SETX: variants seen among roughly 807,000 people sequenced by gnomAD.
SETX encodes the protein senataxin, also known as helicase senataxin.
In SETX, 90 loss-of-function variants were observed where a neutral mutation model predicts 227.2. The observed-to-expected ratio is 0.40, with a 90% CI of 0.33 to 0.47. The LOEUF is 0.47. Ranked by LOEUF, SETX falls within the 20% of genes least tolerant of loss-of-function variation. The pLI, the probability that SETX is intolerant of heterozygous loss-of-function variation, is 0.91. For synonymous variants in SETX, 1,210 were observed against 1,113.2 expected, an observed-to-expected ratio of 1.09 and a Z score of -1.73; for missense variants, 3,052 against 3,181.5, an observed-to-expected ratio of 0.96 and a Z score of 0.98.
chr9:132,326,075 T>C (rs1388498282), intron 10 of SETX, among the ~76,000 whole-genome samples: 1 of 152,064 alleles, frequency 6.6e-6, no homozygotes, highest in Non-Finnish European at 1.5e-5. Context: ...CTTTTTTTTG[T>C]TTTTTCTTTT....
At chr9:132,337,674 GATA>G (rs1468840113) in intron 5 of SETX, among the ~76,000 whole-genome samples, 1 of 152,162 alleles carries the variant, frequency 6.6e-6, no homozygotes, top group African/African-American at 2.4e-5. Flanking sequence ...AGACCTTACT[GATA>G]ATAAGTGGTA....
intron 10 of SETX, among the ~76,000 whole-genome samples, chr9:132,324,388 T>C (rs1051176362): frequency 1.3e-5 from 2 of 152,228 alleles, no homozygotes; most frequent in African/African-American, 4.8e-5. Flanking sequence ...TATCTTGCCA[T>C]GTACAGTGTT....
intron 3 of SETX, 28 bp from the exon 4 acceptor site, chr9:132,346,499 C>T (rs763091338): frequency 1.1e-5 from 17 of 1,493,554 alleles, no homozygotes; most frequent in Middle Eastern, 4.3e-4. Context: ...GGGCAGTGTG[C>T]GTTATGTCTT....
intron 11 of SETX, among the ~76,000 whole-genome samples, chr9:132,308,721 A>G (rs1179271560): frequency 1.3e-5 from 2 of 152,224 alleles, no homozygotes; most frequent in Non-Finnish European, 2.9e-5. Context: ...AAATAACTGA[A>G]GATATATACC....
intron 18 of SETX, among the ~76,000 whole-genome samples, chr9:132,284,999 C>G (rs1270023368): frequency 6.6e-6 from 1 of 152,076 alleles, no homozygotes; most frequent in African/African-American, 2.4e-5. Context: ...CTGCCTCAGG[C>G]TCCCGAGTAG....
chr9:132,351,530 C>T (rs1324153777), intron 2 of SETX, among the ~76,000 whole-genome samples: 1 of 152,140 alleles, frequency 6.6e-6, no homozygotes, highest in Non-Finnish European at 1.5e-5. Flanking sequence ...GGAGTTACTA[C>T]CAAAATAGGT....
chr9:132,295,928 A>T lies in SETX; in HGVS notation c.6050T>A (p.Met2017Lys). The change falls in exon 15 of 26, where the codon ATG becomes AAG. Residue 2017 changes from methionine to lysine, a missense_variant. Coordinates refer to ENST00000224140, the MANE Select transcript of SETX (RefSeq NM_015046.7). ...TTTGAATTCAAGGATAATTTTTTTC[A>T]TGAGTTCATCAACAGCTGCATTGGA... The part of the protein sequence containing the change: ...APSNAAVDEL[M>K]KKIILEFKEK... The T allele has an allele frequency of 6.2e-7, 1 of 1,614,100 alleles. No homozygotes were observed. Among genetic ancestry groups the T allele is most frequent in the Non-Finnish European group, 8.5e-7 (1 of 1,179,960 alleles).
At chr9:132,325,225 G>A (rs539580188) in intron 10 of SETX, among the ~76,000 whole-genome samples, 5 of 152,244 alleles carry the variant, frequency 3.3e-5, no homozygotes, top group East Asian at 1.9e-4. Flanking sequence ...CCGTGGTGGC[G>A]AGAGCCTATA....
In SETX at chr9:132,335,075, T is replaced by C. The variant is rs577373280; in HGVS notation, c.719-348A>G. Among the ~76,000 whole-genome samples, 120 of 151,802 alleles carry C rather than the reference T, an allele frequency of 7.9e-4. 1 individual carries two copies. In the South Asian group the frequency reaches 0.024, roughly 31 times the overall value. On this transcript the variant is annotated intron_variant, in intron 6 of 25. Coordinates refer to ENST00000224140, the MANE Select transcript of SETX (RefSeq NM_015046.7). The stretch of plus-strand genomic sequence containing the variant: ...CATTTATGACACGTGACCTTAAGAT[T>C]TGGAATCAAGGAAATGGTATAGAAG...
chr9:132,283,271 A>G lies in SETX; in HGVS notation c.6539T>C (p.Val2180Ala). ...QGGVPFSCVI[V>A]DEAGQSCEIE... is the part of the protein sequence containing the mutation. ...GGCTGACCGTTCACTGACCTCATCA[A>G]CAATGACACAGCTGAAGGGGACACC... The change falls in exon 19 of 26, where the codon GTT becomes GCT. Residue 2180 changes from valine to alanine, a missense_variant. Val to Ala is a moderately conservative substitution (Grantham distance 64). Around this residue, in one of 10 missense-constraint regions of SETX, gnomAD observed 412 missense variants for 589.0 expected, o/e 0.70. Transcript: ENST00000224140. The G allele has an allele frequency of 6.2e-7, 1 of 1,614,248 alleles. No individual in the cohort carries two copies. The highest frequency in any genetic ancestry group is 8.5e-7 in the Non-Finnish European group (1 of 1,180,042).
At chr9:132,294,423 AAT>A (rs1439802401) in intron 15 of SETX, among the ~76,000 whole-genome samples, 2 of 152,260 alleles carry the variant, frequency 1.3e-5, no homozygotes, top group Non-Finnish European at 2.9e-5. Flanking sequence ...TATAGCAGTT[AAT>A]ATGAGTGACT....
intron 7 of SETX, among the ~76,000 whole-genome samples, chr9:132,332,897 T>G (rs201740977): frequency 1.8e-4 from 26 of 147,642 alleles, no homozygotes; most frequent in Non-Finnish European, 3.3e-4. Flanking sequence ...GGGTGGGTGA[T>G]AGTGAGATCC....
intron 10 of SETX, among the ~76,000 whole-genome samples, chr9:132,325,300 G>C (rs903420496): frequency 2.0e-5 from 3 of 152,046 alleles, no homozygotes; most frequent in Non-Finnish European, 4.4e-5. Context: ...AGCTTGCAGT[G>C]AGCCGAGATT....
rs183776349 is a variant in SETX, at chr9:132,264,826, C to T, written c.7447G>A (p.Gly2483Arg). ...GGCAAACCACCCTGGGGTCTGGACC[C>T]CTCTGGGGCTATGGTAGGAGGGTGA... ...LTHPPTIAPE[G>R]SRPQGGLPSS... The change falls in exon 26 of 26, where the codon GGG becomes AGG. Residue 2483 changes from glycine to arginine, a missense_variant. Gly to Arg is a moderately radical substitution (Grantham distance 125). This residue lies in a region of SETX where 294 missense variants were observed against 278.8 expected (regional missense o/e 1.05). Coordinates refer to ENST00000224140, the MANE Select transcript of SETX (RefSeq NM_015046.7). 7.4e-6 allele frequency: 12 copies of T among 1,614,150 alleles called. No homozygotes were observed. In the Admixed American group the frequency reaches 1.5e-4, roughly 20 times the overall value.
At chr9:132,325,198 T>C (rs1846641912) in intron 10 of SETX, among the ~76,000 whole-genome samples, 1 of 151,802 alleles carries the variant, frequency 6.6e-6, no homozygotes. Flanking sequence ...CTACTAAAAA[T>C]ACAAAAAATT....
chr9:132,269,469 A>T, intron 25 of SETX, 146 bp downstream of exon 25: 2 of 1,593,476 alleles, frequency 1.3e-6, no homozygotes, highest in South Asian at 2.2e-5. Flanking sequence ...CGTGTACACA[A>T]AAGCTCCTAG....
At chr9:132,298,357 A>G (rs1844797735) in intron 12 of SETX, 45 bp from the exon 13 acceptor site, 5 of 1,433,954 alleles carry the variant, frequency 3.5e-6, no homozygotes, top group African/African-American at 1.4e-5. Context: ...ATCACTGAAT[A>G]ATGCTGCCTA....
At chr9:132,336,168 G>A in intron 6 of SETX, 128 bp downstream of exon 6, 4 of 767,168 alleles carry the variant, frequency 5.2e-6, no homozygotes, top group South Asian at 3.0e-5. Context: ...GCTTGAACCT[G>A]GGAGGTGGAG....
chr9:132,277,890 C>T (rs1389602838), intron 21 of SETX, among the ~76,000 whole-genome samples, 180 bp downstream of exon 21: 1 of 151,500 alleles, frequency 6.6e-6, no homozygotes, highest in African/African-American at 2.4e-5. Context: ...ACTTTTTCCC[C>T]TTTTCTTTTT....
Sources: gnomAD v4.1 joint callset for allele counts (sites outside exome capture counted in the v4.1 genomes callset) on GRCh38, gnomAD v4.1.1 for gene constraint, gnomAD v4.1.1 regional missense constraint, MANE v1.5 for transcripts, NCBI Gene and HGNC (gene_info 2026-07-23, HGNC 2026-07-21) for gene names.